Variants in ADGRG4 observed in about 807,000 individuals in gnomAD.
The protein encoded by ADGRG4 is adhesion G protein-coupled receptor G4, also known as G protein-coupled receptor 112.
In ADGRG4, 122 loss-of-function variants were observed where a neutral mutation model predicts 126.2. The ratio of observed to expected loss-of-function variants is 0.97; its 90% CI spans 0.83 to 1.12. The LOEUF is 1.12. ADGRG4 is among the 50% of genes most tolerant of loss of function. The pLI is 0.00. For missense variants in ADGRG4, 2,481 were observed against 2,251.8 expected (o/e 1.10, Z -2.06); for synonymous variants, 943 against 838.7 (o/e 1.12, Z -2.15).
chrX:136,406,825 G>T (rs1181418167), intron 23 of ADGRG4, among the ~76,000 whole-genome samples: 5 of 109,132 alleles, frequency 4.6e-5, no homozygotes, highest in African/African-American at 1.7e-4. Context: ...TGAGGCAGGA[G>T]AATTGCTCAA....
intron 5 of ADGRG4, among the ~76,000 whole-genome samples, chrX:136,331,394 T>C (rs1433048196): frequency 1.8e-5 from 2 of 112,735 alleles, no homozygotes; most frequent in African/African-American, 6.4e-5. Context: ...ATGGTAGCTC[T>C]ATTTTTAGTT....
chrX:136,344,987 A>C lies in ADGRG4; in HGVS notation c.1281A>C (p.Ala427=). 5 of 1,210,964 alleles carry C rather than the reference A, an allele frequency of 4.1e-6. No individual in the cohort carries two copies. The highest frequency in any genetic ancestry group is 3.4e-6 in the Non-Finnish European group (3 of 895,075). ...AACAAAAATCCACAAATACTGGGGC[A>C]CTCCCTATCTCCACAGCTGGCCAGG... ...CLKQKSTNTG[A]LPISTAGQEF... is the part of the protein sequence containing the mutation. The change falls in exon 6 of 26, where the codon GCA becomes GCC. Residue 427 remains alanine, a synonymous_variant. Coordinates refer to ENST00000394143, the MANE Select transcript of ADGRG4 (RefSeq NM_153834.4).
chrX:136,344,844 A>G lies in ADGRG4; in HGVS notation c.1138A>G (p.Thr380Ala). The G allele has an allele frequency of 1.7e-6, 2 of 1,209,774 alleles. No homozygotes were observed. Among genetic ancestry groups the G allele is most frequent in the Non-Finnish European group, 2.2e-6 (2 of 893,422 alleles). ...TAATTTCCTATCCACATCCAGATTTACCAAGAATTCAGTTGTATCTACAAC... is the reference window on the plus strand; with the variant it reads ...TAATTTCCTATCCACATCCAGATTTGCCAAGAATTCAGTTGTATCTACAAC... ...PSNFLSTSRFTKNSVVSTTSA... is the reference protein window; with the variant it reads ...PSNFLSTSRFAKNSVVSTTSA... The change falls in exon 6 of 26, where the codon ACC (threonine) becomes GCC (alanine). Residue 380 changes from threonine (T) to alanine (A), a missense_variant. Transcript: ENST00000394143.
At chrX:136,379,789 TC>T (rs2075248746) in intron 15 of ADGRG4, among the ~76,000 whole-genome samples, 1 of 110,677 alleles carries the variant, frequency 9.0e-6, no homozygotes, top group African/African-American at 3.3e-5. Flanking sequence ...TTCGTCCCTT[TC>T]CTAGCCCTTG....
intron 8 of ADGRG4, 121 bp downstream of exon 8, chrX:136,353,522 G>T: frequency 2.0e-6 from 1 of 502,890 alleles, no homozygotes; most frequent in Non-Finnish European, 3.5e-6. Flanking sequence ...ATTTTTAGTT[G>T]CATCTTCCTT....
At chrX:136,392,442 T>C in intron 17 of ADGRG4, 88 bp downstream of exon 17, 1 of 806,859 alleles carries the variant, frequency 1.2e-6, no homozygotes, top group Non-Finnish European at 1.7e-6. Context: ...AATTAACAGA[T>C]GTGATTCTAA....
At chrX:136,330,229 C>A (rs2074900305) in intron 5 of ADGRG4, among the ~76,000 whole-genome samples, 2 of 110,977 alleles carry the variant, frequency 1.8e-5, no homozygotes, top group Non-Finnish European at 3.8e-5. Context: ...TCATGTTGAC[C>A]TTTTATAACC....
rs370327179 is a variant in ADGRG4, at chrX:136,387,835, G to C, written c.7872G>C (p.Thr2624=). The C allele has an allele frequency of 4.1e-6, 5 of 1,206,815 alleles. No homozygotes were observed. In the African/African-American group the frequency reaches 7.0e-5, roughly 17 times the overall value. ...GAATTCCTCTTAGCAACTTACAAAC[G>C]ATCTTGTTTAATTTCTTTGGCCAAA... ...TERIPLSNLQ[T]ILFNFFGQTS... is the part of the protein sequence containing the mutation. Residue 2624 remains threonine (T), a synonymous_variant, in exon 16 of 26, where the codon ACG becomes ACC. Transcript: ENST00000394143.
At chrX:136,382,226 A>G (rs1258740138) in intron 15 of ADGRG4, among the ~76,000 whole-genome samples, 2 of 111,930 alleles carry the variant, frequency 1.8e-5, no homozygotes, top group Non-Finnish European at 3.8e-5. Flanking sequence ...CCTTTGTACA[A>G]CTGGAAATGC....
intron 4 of ADGRG4, among the ~76,000 whole-genome samples, chrX:136,317,895 G>A (rs1369939940): frequency 8.9e-6 from 1 of 112,197 alleles, no homozygotes; most frequent in Non-Finnish European, 1.9e-5. Flanking sequence ...AAAACAACAA[G>A]TGTTGGCTAA....
chrX:136,338,450 A>AT (rs1298514562), intron 5 of ADGRG4, among the ~76,000 whole-genome samples: 2 of 110,609 alleles, frequency 1.8e-5, no homozygotes, highest in East Asian at 5.6e-4. Flanking sequence ...GCCTGGCCCC[A>AT]TTTTTTTTCC....
chrX:136,399,915 C>T lies in ADGRG4; in HGVS notation c.8374C>T (p.Leu2792=). 2.5e-6 allele frequency: 3 copies of T among 1,209,242 alleles called. No individual in the cohort carries two copies. The highest frequency in any genetic ancestry group is 3.4e-6 in the Non-Finnish European group (3 of 893,428). The change falls in exon 21 of 26, where the codon CTG becomes TTG. Residue 2792 remains leucine (L), a synonymous_variant. Transcript: ENST00000394143. ...NLCTALLMLN[L]VFLINSWLSS... is the part of the protein sequence containing the mutation. Reference sequence around the variant, plus strand: ...GTGCACAGCACTACTGATGCTAAACCTGGTATTTTTGATCAATTCTTGGTT... The same window carrying T: ...GTGCACAGCACTACTGATGCTAAACTTGGTATTTTTGATCAATTCTTGGTT...
chrX:136,408,468 A>G (rs1402181704), intron 23 of ADGRG4, among the ~76,000 whole-genome samples: 1 of 112,299 alleles, frequency 8.9e-6, no homozygotes, highest in Admixed American at 9.4e-5. Flanking sequence ...AACATGCAGT[A>G]CTTGGTTTTC....
intron 23 of ADGRG4, among the ~76,000 whole-genome samples, chrX:136,407,055 C>T (rs1338821200): frequency 2.7e-5 from 3 of 111,875 alleles, no homozygotes; most frequent in Non-Finnish European, 5.6e-5. Context: ...AATTCTACCC[C>T]ATACTTTTAT....
chrX:136,350,042 A>C lies in ADGRG4; in HGVS notation c.6336A>C (p.Thr2112=). Residue 2112 remains threonine (T), a synonymous_variant, in exon 6 of 26, where the codon ACA becomes ACC. Transcript: ENST00000394143. The part of the protein sequence containing the change: ...STHPEASSRT[T]ITANPRTVSH... ...ACCCTGAGGCATCCTCCAGAACCACAATAACTGCCAACCCCAGGACTGTGT... is the reference window on the plus strand; with the variant it reads ...ACCCTGAGGCATCCTCCAGAACCACCATAACTGCCAACCCCAGGACTGTGT... The C allele has an allele frequency of 8.3e-7, 1 of 1,210,852 alleles. No individual in the cohort carries two copies. The highest frequency in any genetic ancestry group is 2.3e-4 in the Middle Eastern group (1 of 4,350).
chrX:136,402,872 A>G lies in ADGRG4; in HGVS notation c.8576-372A>G, dbSNP rs936575887. Among the ~76,000 whole-genome samples the G allele has an allele frequency of 2.4e-4, 27 of 111,984 alleles. 1 individual carries two copies. Among genetic ancestry groups the G allele is most frequent in the African/African-American group, 7.8e-4 (24 of 30,742 alleles). ...ACCTAGACAAAAAGCTATTGGGAAC[A>G]AAGGGGCGATGTGAAAGGGAGTAAA... is the stretch of plus-strand genomic sequence containing the variant. On this transcript the variant is annotated intron_variant, in intron 21 of 25. Coordinates refer to ENST00000394143, the MANE Select transcript of ADGRG4 (RefSeq NM_153834.4).
chrX:136,306,089 A>T (rs2074731547), intron 3 of ADGRG4: 1 of 111,807 alleles, frequency 8.9e-6, no homozygotes, highest in Admixed American at 9.5e-5. Context: ...CTTTCATTTC[A>T]CATCAAACAT....
chrX:136,395,429 A>G lies in ADGRG4; in HGVS notation c.8120A>G (p.Lys2707Arg). 8.3e-7 allele frequency: 1 copy of G among 1,205,469 alleles called. No individual in the cohort carries two copies. The highest frequency in any genetic ancestry group is 1.1e-6 in the Non-Finnish European group (1 of 890,079). Residue 2707 changes from lysine (K) to arginine (R), a missense_variant, in exon 19 of 26, where the codon AAG (lysine) becomes AGG (arginine). Transcript: ENST00000394143. ...TGGAATTCGTCAGGCTGTAAAGTAAAGGAAACAAATGTAAATTACACAATC... is the reference window on the plus strand; with the variant it reads ...TGGAATTCGTCAGGCTGTAAAGTAAGGGAAACAAATGTAAATTACACAATC... ...GGWNSSGCKV[K>R]ETNVNYTICQ...
chrX:136,416,028 G>C (rs1332707179), intron 25 of ADGRG4, among the ~76,000 whole-genome samples: 1 of 112,008 alleles, frequency 8.9e-6, no homozygotes, highest in African/African-American at 3.3e-5. Context: ...TTAGCAGAGA[G>C]TGAAAAATCA....
Sources: allele counts gnomAD v4.1 joint callset (sites outside exome capture counted in the v4.1 genomes callset), GRCh38; gene constraint gnomAD v4.1.1; transcripts MANE v1.5; gene names NCBI Gene and HGNC (gene_info 2026-07-23, HGNC 2026-07-21).